ALMS1: variants seen among roughly 807,000 people sequenced by gnomAD.
The protein encoded by ALMS1 is ALMS1 centrosome and basal body associated protein.
ALMS1 carries 271 observed loss-of-function variants against 352.2 expected under a neutral mutation model. The observed-to-expected ratio is 0.77, with a 90% CI of 0.70 to 0.85. The LOEUF (loss-of-function observed/expected upper bound fraction) is 0.85. Ranked by LOEUF, ALMS1 falls within the 40% of genes least tolerant of loss-of-function variation. The pLI is 0.00. For synonymous variants in ALMS1, 1,865 were observed against 1,761.2 expected (o/e 1.06, Z -1.48); for missense variants, 5,445 against 4,870.7 (o/e 1.12, Z -3.51).
At chr2:73,423,215 C>G (rs930331497) in intron 4 of ALMS1, among the ~76,000 whole-genome samples, 1 of 152,202 alleles carries the variant, frequency 6.6e-6, no homozygotes, top group East Asian at 1.9e-4. Context: ...TATATTCAGG[C>G]ATTTCAGGCA....
At chr2:73,418,029 T>C (rs1558636712) in intron 2 of ALMS1, among the ~76,000 whole-genome samples, 4 of 152,226 alleles carry the variant, frequency 2.6e-5, no homozygotes, top group Non-Finnish European at 5.9e-5. Context: ...ATTTTATCTT[T>C]TTTTAGACCT....
At chr2:73,401,302 T>C (rs1418833398) in intron 1 of ALMS1, among the ~76,000 whole-genome samples, 2 of 152,216 alleles carry the variant, frequency 1.3e-5, no homozygotes, top group African/African-American at 4.8e-5. Context: ...TTTTTCTAGT[T>C]TCCTAAGTTG....
rs114278692 is a variant in ALMS1 at position 73,455,702 on chromosome 2, A to C, written c.7674+407A>C. Among the ~76,000 whole-genome samples the C allele has an allele frequency of 2.2e-3, 338 of 152,380 alleles. 2 individuals are homozygous for C. Among genetic ancestry groups the C allele is most frequent in the African/African-American group, 7.6e-3 (317 of 41,580 alleles). ...CAGGCATGAGCCACTGTGCCTAGGC[A>C]GGCATCTTAATTTTTCAAAAGTTAA... On this transcript the variant is annotated intron_variant, in intron 9 of 22. Transcript: ENST00000613296.
intron 16 of ALMS1, among the ~76,000 whole-genome samples, chr2:73,587,404 G>T (rs1573042706): frequency 6.6e-6 from 1 of 152,074 alleles, no homozygotes; most frequent in Non-Finnish European, 1.5e-5. Context: ...GTATAATTTT[G>T]GTGTGGGTTT....
At chr2:73,470,123 A>G (rs571479667) in intron 9 of ALMS1, 1 of 151,748 alleles carries the variant, frequency 6.6e-6, no homozygotes, top group Non-Finnish European at 1.5e-5. Context: ...ATGTTTGTTA[A>G]CATTGTTTTT....
intron 10 of ALMS1, among the ~76,000 whole-genome samples, chr2:73,515,097 G>A (rs761404527): frequency 2.0e-5 from 3 of 152,144 alleles, no homozygotes; most frequent in African/African-American, 7.2e-5. Context: ...ACTGTGCCCC[G>A]TGAGTCTCTT....
chr2:73,543,882 G>T lies in ALMS1; in HGVS notation c.9908-6385G>T, dbSNP rs1035305734. Among the ~76,000 whole-genome samples the T allele has an allele frequency of 2.9e-3, 435 of 152,216 alleles. 5 individuals are homozygous for T. The highest frequency in any genetic ancestry group is 2.6e-3 in the Non-Finnish European group (175 of 68,000). On this transcript the variant is annotated intron_variant, in intron 12 of 22. Coordinates refer to ENST00000613296, the MANE Select transcript of ALMS1 (RefSeq NM_001378454.1). ...AGGAAACAATAGGTGCTGGAGAGGA[G>T]GTGGAGAAATAAGAACACTTTTACA...
At chr2:73,482,542 T>C (rs1672733371) in intron 9 of ALMS1, among the ~76,000 whole-genome samples, 1 of 152,228 alleles carries the variant, frequency 6.6e-6, no homozygotes, top group South Asian at 2.1e-4. Context: ...AAATTCTCTT[T>C]TTTTGTTGTG....
intron 9 of ALMS1, among the ~76,000 whole-genome samples, chr2:73,479,554 T>C (rs1672651842): frequency 6.6e-6 from 1 of 152,162 alleles, no homozygotes. Flanking sequence ...TATGTATCAG[T>C]AGTTTTTCTT....
chr2:73,570,298 C>A (rs1041327142), intron 15 of ALMS1, among the ~76,000 whole-genome samples: 1 of 152,000 alleles, frequency 6.6e-6, no homozygotes, highest in African/African-American at 2.4e-5. Flanking sequence ...GCTTGAAATG[C>A]AAATTTGAAA....
intron 9 of ALMS1, among the ~76,000 whole-genome samples, chr2:73,472,812 G>T (rs1672494907): frequency 1.3e-5 from 2 of 152,046 alleles, no homozygotes; most frequent in African/African-American, 4.8e-5. Context: ...CCTGTCTGAA[G>T]TATCTGAAGG....
At chr2:73,566,421 G>A (rs1674802340) in intron 15 of ALMS1, among the ~76,000 whole-genome samples, 2 of 152,154 alleles carry the variant, frequency 1.3e-5, no homozygotes, top group Non-Finnish European at 1.5e-5. Flanking sequence ...GTAAATGTAC[G>A]GACATGCTGG....
intron 11 of ALMS1, among the ~76,000 whole-genome samples, chr2:73,523,025 A>T (rs886410754): frequency 6.6e-6 from 1 of 152,136 alleles, no homozygotes; most frequent in Non-Finnish European, 1.5e-5. Flanking sequence ...CTTATTTCTA[A>T]GATCTTCCAT....
rs2104059373 is a variant in ALMS1, at chr2:73,386,076, G to A, written c.208G>A (p.Asp70Asn). The stretch of plus-strand genomic sequence containing the variant: ...GCCCCAGCATCTGGAAAGTATAGAC[G>A]ACGAGGAGGACGAGGAGGCCAAGGC... ...YGPQHLESID[D>N]EEDEEAKAWL... is the part of the protein sequence containing the mutation. Residue 70 changes from aspartate (D) to asparagine (N), a missense_variant, in exon 1 of 23, where the codon GAC becomes AAC. Coordinates refer to ENST00000613296, the MANE Select transcript of ALMS1 (RefSeq NM_001378454.1). The A allele has an allele frequency of 1.3e-6, 2 of 1,595,454 alleles. No individual in the cohort carries two copies. The highest frequency in any genetic ancestry group is 1.7e-6 in the Non-Finnish European group (2 of 1,171,530).
chr2:73,592,271 T>TAA (rs1370791607), intron 16 of ALMS1, among the ~76,000 whole-genome samples: 2 of 152,210 alleles, frequency 1.3e-5, no homozygotes, highest in Non-Finnish European at 2.9e-5. Flanking sequence ...TTCCAAAAGG[T>TAA]AAGTAATAGA....
At chr2:73,567,899 G>A (rs56068325) in intron 15 of ALMS1, among the ~76,000 whole-genome samples, 19,010 of 152,138 alleles carry the variant, frequency 0.12, 1,296 homozygotes, top group East Asian at 0.22. Context: ...TAAAATTAAA[G>A]TGTCTTCATG....
intron 6 of ALMS1, among the ~76,000 whole-genome samples, chr2:73,427,995 C>A (rs576074896): frequency 6.6e-6 from 1 of 152,162 alleles, no homozygotes; most frequent in East Asian, 1.9e-4. Flanking sequence ...AGAAAATGAA[C>A]AAAGATATTA....
intron 1 of ALMS1, among the ~76,000 whole-genome samples, chr2:73,407,648 G>A (rs1670997728): frequency 6.6e-6 from 1 of 152,152 alleles, no homozygotes; most frequent in Non-Finnish European, 1.5e-5. Context: ...GTGAGGTCTA[G>A]TGGTAATGAA....
chr2:73,446,467 A>G (rs1282028037), intron 7 of ALMS1, among the ~76,000 whole-genome samples: 1 of 152,208 alleles, frequency 6.6e-6, no homozygotes, highest in Non-Finnish European at 1.5e-5. Flanking sequence ...ACCTCACAAA[A>G]TTTTGTAACT....
Sources: allele counts gnomAD v4.1 joint callset (sites outside exome capture counted in the v4.1 genomes callset), GRCh38; gene constraint gnomAD v4.1.1; transcripts MANE v1.5; gene names NCBI Gene and HGNC (gene_info 2026-07-23, HGNC 2026-07-21).